CCDC57: variants seen among roughly 807,000 people sequenced by gnomAD.
The protein encoded by CCDC57 is coiled-coil domain containing 57.
CCDC57 carries 118 observed loss-of-function variants against 118.9 expected under a neutral mutation model. That is an observed-to-expected ratio of 0.99 (90% CI 0.86 to 1.16). The LOEUF is 1.16. Among genes scored for constraint, CCDC57 ranks in the 50% most tolerant of loss-of-function variants. CCDC57 has a pLI of 0.00. For missense variants in CCDC57, 1,300 were observed against 1,320.7 expected (o/e 0.98, Z 0.24); for synonymous variants, 527 against 532.9 (o/e 0.99, Z 0.15).
chr17:82,133,431 CAAAAAA>C (rs71166189), intron 17 of CCDC57, among the ~76,000 whole-genome samples: 17 of 38,398 alleles, frequency 4.4e-4, no homozygotes, highest in African/African-American at 6.2e-4. Flanking sequence ...GGCCCTGTCT[CAAAAAA>C]AAAAAAAAAA....
chr17:82,128,013 T>C lies in CCDC57; in HGVS notation c.2683-105A>G, dbSNP rs143558954. ...CGGAGCAGTAAGGCGACAGTGGGCC[T>C]GGCTTAAAGGCCCAGGCAGATGCTC... On this transcript the variant is annotated intron_variant, in intron 18 of 19. Transcript: ENST00000665763. The C allele has an allele frequency of 2.0e-4, 290 of 1,486,098 alleles. No individual in the cohort carries two copies. In the African/African-American group the frequency reaches 3.7e-3, roughly 19 times the overall value. The allele number at this position is 1,486,098 out of a possible 1,614,324, so 92.1% of individuals were successfully genotyped here.
chr17:82,137,130 G>A (rs563185461), intron 16 of CCDC57, among the ~76,000 whole-genome samples: 4 of 149,730 alleles, frequency 2.7e-5, no homozygotes, highest in South Asian at 4.2e-4. Flanking sequence ...CAATTCTCCC[G>A]CCTCAGCCTC....
At chr17:82,184,082 C>CACAG (rs1378866290) in intron 8 of CCDC57, 150 bp from the exon 8 acceptor site, 1 of 572,460 alleles carries the variant, frequency 1.7e-6, no homozygotes, top group Non-Finnish European at 3.1e-6. Flanking sequence ...CACACACACA[C>CACAG]AGCTCTCGAG....
At chr17:82,129,913 T>C (rs2038074238) in intron 17 of CCDC57, among the ~76,000 whole-genome samples, 1 of 151,666 alleles carries the variant, frequency 6.6e-6, no homozygotes. Context: ...AATAAAAAAT[T>C]AGGCTGGGCG....
intron 13 of CCDC57, among the ~76,000 whole-genome samples, chr17:82,165,929 G>A (rs527868741): frequency 1.3e-5 from 2 of 152,232 alleles, no homozygotes; most frequent in Admixed American, 6.5e-5. Flanking sequence ...CCTGACAAAA[G>A]AAAAGACAGA....
rs922365936 is a variant in CCDC57, at chr17:82,158,027, C to T, written c.2041-79G>A. 1.6e-5 allele frequency: 24 copies of T among 1,479,590 alleles called. No individual in the cohort carries two copies. In the South Asian group the frequency reaches 2.4e-4, roughly 15 times the overall value. The allele number at this position is 1,479,590 out of a possible 1,614,324, so 91.7% of individuals were successfully genotyped here. A position where few individuals can be genotyped will look rare whatever the true frequency, so the allele number is the denominator to read the frequency against. ...CAGGCCCCTGGGCACTGACAGGAAG[C>T]GCTGTGAGTGCCGGGAAAGAACGGG... On this transcript the variant is annotated intron_variant, in intron 14 of 19. Transcript: ENST00000665763.
chr17:82,164,883 A>G (rs1003065876), intron 13 of CCDC57, among the ~76,000 whole-genome samples: 15 of 152,252 alleles, frequency 9.9e-5, no homozygotes, highest in Non-Finnish European at 8.8e-5. Context: ...ACTTTTTTAG[A>G]AAACGGAAAA....
At chr17:82,120,650 C>A (rs186504525) in intron 19 of CCDC57, among the ~76,000 whole-genome samples, 1 of 152,238 alleles carries the variant, frequency 6.6e-6, no homozygotes. Flanking sequence ...CAAGATACTT[C>A]GCAGATCATT....
chr17:82,172,847 T>C lies in CCDC57; in HGVS notation c.1520A>G (p.Gln507Arg). ...GTCTTTACTTATTTCTTCTTCATGCTGCCTGAGAAGCATCTGTCAAATACA... is the reference window on the plus strand; with the variant it reads ...GTCTTTACTTATTTCTTCTTCATGCCGCCTGAGAAGCATCTGTCAAATACA... The change falls in exon 12 of 20, where the codon CAG (glutamine) becomes CGG (arginine). Residue 507 changes from glutamine to arginine, a missense_variant. Physicochemically the swap from Gln to Arg is conservative, Grantham distance 43. Coordinates refer to ENST00000665763, the Ensembl canonical transcript of CCDC57. This position sits in a 1 kb window ranked among gnomAD's most constrained non-coding sequence, Gnocchi z 5.2. 6.2e-7 allele frequency: 1 copy of C among 1,611,660 alleles called. No homozygotes were observed. The highest frequency in any genetic ancestry group is 8.5e-7 in the Non-Finnish European group (1 of 1,178,948).
chr17:82,198,329 A>G (rs1177407354), exon 4 of CCDC57: 10 of 1,612,560 alleles, frequency 6.2e-6, no homozygotes, highest in Non-Finnish European at 8.5e-6. Context: ...TCTGCAGAGC[A>G]AGCTCACCGT....
intron 19 of CCDC57, chr17:82,113,665 G>C: frequency 1.4e-6 from 1 of 716,738 alleles, no homozygotes; most frequent in Non-Finnish European, 2.6e-6. Flanking sequence ...TGGGCGTGGG[G>C]CCCACACCTG....
rs370334205 is a variant in CCDC57, at chr17:82,127,646, G to A, written c.2899+46C>T. 8.0e-5 allele frequency: 123 copies of A among 1,544,556 alleles called. No homozygotes were observed. In the African/African-American group the frequency reaches 1.3e-3, roughly 17 times the overall value. ...ATGCCCCTCGGAGAGGGTGGCCCTCGCCAGCTGCCAGCTGTGGGCAGCTCC... is the reference window on the plus strand; with the variant it reads ...ATGCCCCTCGGAGAGGGTGGCCCTCACCAGCTGCCAGCTGTGGGCAGCTCC... On this transcript the variant is annotated intron_variant, in intron 19 of 19. Coordinates refer to ENST00000665763, the Ensembl canonical transcript of CCDC57.
At chr17:82,163,144 C>T (rs1267656131) in intron 14 of CCDC57, 56 bp downstream of exon 13, 1 of 1,588,978 alleles carries the variant, frequency 6.3e-7, no homozygotes, top group Admixed American at 1.7e-5. Flanking sequence ...AGCCCACGCG[C>T]TCTCCCCCAG....
At chr17:82,178,479 C>T in exon 11 of CCDC57, 5 of 1,608,720 alleles carry the variant, frequency 3.1e-6, no homozygotes, top group Non-Finnish European at 3.4e-6. Context: ...CTCACCTGTG[C>T]CCCTGGTCTG....
intron 9 of CCDC57, 87 bp downstream of exon 8, chr17:82,183,687 A>G: frequency 5.5e-6 from 7 of 1,275,226 alleles, no homozygotes; most frequent in Non-Finnish European, 7.5e-6. Flanking sequence ...CAGGGACTCA[A>G]TCTGTTCAGT....
At chr17:82,106,917 C>A (rs943363345) in intron 19 of CCDC57, among the ~76,000 whole-genome samples, 1 of 152,190 alleles carries the variant, frequency 6.6e-6, no homozygotes, top group East Asian at 1.9e-4. Flanking sequence ...TCCAGGTGGG[C>A]ACCCTAGCAT....
intron 16 of CCDC57, among the ~76,000 whole-genome samples, chr17:82,149,082 T>G (rs1598921728): frequency 1.2e-5 from 1 of 83,924 alleles, no homozygotes. Flanking sequence ...GATGGGTGGG[T>G]GGGTAGATGG....
At chr17:82,162,358 A>G (rs1400551735) in intron 14 of CCDC57, among the ~76,000 whole-genome samples, 2 of 152,216 alleles carry the variant, frequency 1.3e-5, no homozygotes, top group Non-Finnish European at 2.9e-5. Context: ...TGTAGCAGTC[A>G]AACCGAGGTA....
chr17:82,170,556 C>T (rs1193296020), intron 13 of CCDC57, among the ~76,000 whole-genome samples: 1 of 149,338 alleles, frequency 6.7e-6, no homozygotes, highest in South Asian at 2.1e-4. Flanking sequence ...GAGCATGCAG[C>T]GGGGGAGGAG....
Sources: allele counts gnomAD v4.1 joint callset (sites outside exome capture counted in the v4.1 genomes callset), GRCh38; gene constraint gnomAD v4.1.1; non-coding constraint Gnocchi (gnomAD v3.1); transcripts MANE v1.5; gene names NCBI Gene and HGNC (gene_info 2026-07-23, HGNC 2026-07-21).